CCBE1: variants seen among roughly 807,000 people sequenced by gnomAD.
CCBE1 encodes collagen and calcium binding EGF domains 1, also known as collagen and calcium-binding EGF domain-containing protein 1.
In CCBE1, 37 loss-of-function variants were observed where a neutral mutation model predicts 50.0. The ratio of observed to expected loss-of-function variants is 0.74; its 90% CI spans 0.57 to 0.97. CCBE1 has a LOEUF of 0.97. Among genes scored for constraint, CCBE1 ranks in the 50% least tolerant of loss-of-function variants. The pLI, the probability that CCBE1 is intolerant of heterozygous loss-of-function variation, is 0.00. For missense variants in CCBE1, 538 were observed against 523.8 expected, an observed-to-expected ratio of 1.03 and a Z score of -0.26; for synonymous variants, 234 against 203.7, an observed-to-expected ratio of 1.15 and a Z score of -1.27.
In CCBE1 at chr18:59,680,429, G is replaced by A. The variant is rs542811697; in HGVS notation, c.212+16200C>T. On this transcript the variant is annotated intron_variant, in intron 2 of 10. Transcript: ENST00000439986. ...TAAAGAACACCTAAAGGCCAGGCGC[G>A]GTGGTTTGCATGTAATCCCAGCACT... is the stretch of plus-strand genomic sequence containing the variant. 1.2e-4 allele frequency among the ~76,000 whole-genome samples: 18 copies of A among 151,840 alleles called. 1 individual carries two copies. The highest frequency in any genetic ancestry group is 2.2e-4 in the African/African-American group (9 of 41,422).
chr18:59,480,160 G>C, intron 3 of CCBE1, 26 bp downstream of exon 3: 2 of 1,417,878 alleles, frequency 1.4e-6, no homozygotes, highest in Non-Finnish European at 2.0e-6. Flanking sequence ...AATAAAGTCA[G>C]ACAATATCTT....
intron 2 of CCBE1, among the ~76,000 whole-genome samples, chr18:59,632,750 T>C (rs2053865610): frequency 6.8e-6 from 1 of 147,646 alleles, no homozygotes; most frequent in South Asian, 2.2e-4. Context: ...CCACCACACC[T>C]GGCTAATTTT....
chr18:59,694,243 C>G (rs1568277389), intron 2 of CCBE1, among the ~76,000 whole-genome samples: 1 of 152,266 alleles, frequency 6.6e-6, no homozygotes, highest in African/African-American at 2.4e-5. Flanking sequence ...TTCACTTGTG[C>G]TGAAAACCAT....
At chr18:59,494,173 A>G (rs769870106) in intron 2 of CCBE1, among the ~76,000 whole-genome samples, 1 of 152,148 alleles carries the variant, frequency 6.6e-6, no homozygotes, top group Non-Finnish European at 1.5e-5. Flanking sequence ...CAGAGGATAA[A>G]CTCAATTTCA....
intron 2 of CCBE1, among the ~76,000 whole-genome samples, chr18:59,655,205 C>A (rs2054173715): frequency 6.6e-6 from 1 of 152,026 alleles, no homozygotes; most frequent in Non-Finnish European, 1.5e-5. Context: ...ACTATGAGGG[C>A]CTCCTTTTCT....
chr18:59,547,097 G>GAGA (rs1796362853), intron 2 of CCBE1, among the ~76,000 whole-genome samples: 1 of 106,524 alleles, frequency 9.4e-6, no homozygotes, highest in African/African-American at 4.1e-5. Context: ...GAGAGAGGGA[G>GAGA]GTAGGGAGAG....
At chr18:59,468,772 T>C (rs1164303715) in intron 4 of CCBE1, among the ~76,000 whole-genome samples, 1 of 152,074 alleles carries the variant, frequency 6.6e-6, no homozygotes, top group African/African-American at 2.4e-5. Flanking sequence ...GAGGCATTGG[T>C]GTAAATATGC....
chr18:59,466,399 C>G (rs1038430226), intron 5 of CCBE1, among the ~76,000 whole-genome samples: 13 of 152,042 alleles, frequency 8.6e-5, no homozygotes, highest in Non-Finnish European at 1.6e-4. Flanking sequence ...TGCCTTCCAC[C>G]GTGATTGTGA....
chr18:59,590,918 A>C (rs1042701279), intron 2 of CCBE1, among the ~76,000 whole-genome samples: 16 of 152,220 alleles, frequency 1.1e-4, no homozygotes. Flanking sequence ...TGCTAGAAGG[A>C]AACAGGGACT....
intron 2 of CCBE1, among the ~76,000 whole-genome samples, chr18:59,525,816 C>T (rs1914796281): frequency 6.6e-6 from 1 of 151,268 alleles, no homozygotes; most frequent in East Asian, 2.1e-4. Context: ...ATATGACTAG[C>T]CAGTTCTCTG....
intron 2 of CCBE1, among the ~76,000 whole-genome samples, chr18:59,513,669 T>A (rs1914235649): frequency 6.6e-6 from 1 of 152,366 alleles, no homozygotes; most frequent in Non-Finnish European, 1.5e-5. Flanking sequence ...AGAAGATAGC[T>A]TCTGGCTATC....
chr18:59,619,700 C>T (rs2053687073), intron 2 of CCBE1, among the ~76,000 whole-genome samples: 1 of 152,080 alleles, frequency 6.6e-6, no homozygotes, highest in Admixed American at 6.5e-5. Context: ...ATCTCATTAT[C>T]CTTGTTTGGA....
chr18:59,680,479 A>G (rs2054572881), intron 2 of CCBE1, among the ~76,000 whole-genome samples: 1 of 151,888 alleles, frequency 6.6e-6, no homozygotes, highest in Non-Finnish European at 1.5e-5. Flanking sequence ...CGGGAGGATC[A>G]CGAGGTCAGG....
rs147939131 is a variant in CCBE1, at chr18:59,603,538, G to T, written c.212+93091C>A. Among the ~76,000 whole-genome samples the T allele has an allele frequency of 2.1e-3, 314 of 151,890 alleles. 6 individuals are homozygous for T. In the East Asian group the frequency reaches 0.032, roughly 16 times the overall value. ...CTGCTTCAAGACCTTTCACATCCTG[G>T]GTCATTTTCAAGGTTTTGCTCATCT... On this transcript the variant is annotated intron_variant, in intron 2 of 10. Coordinates refer to ENST00000439986, the MANE Select transcript of CCBE1 (RefSeq NM_133459.4).
At chr18:59,625,385 C>A (rs756560226) in intron 2 of CCBE1, among the ~76,000 whole-genome samples, 4 of 145,144 alleles carry the variant, frequency 2.8e-5, no homozygotes, top group South Asian at 2.2e-4. Context: ...GAGCCAAGAT[C>A]GCGCCACTGC....
At chr18:59,520,298 A>G (rs1245530756) in intron 2 of CCBE1, among the ~76,000 whole-genome samples, 1 of 152,136 alleles carries the variant, frequency 6.6e-6, no homozygotes, top group Non-Finnish European at 1.5e-5. Flanking sequence ...GATTCTTCCT[A>G]TCCATGAGGA....
upstream of CCBE1, chr18:59,697,424 C>T (rs2054826882): frequency 6.7e-7 from 1 of 1,498,300 alleles, no homozygotes; most frequent in Non-Finnish European, 8.9e-7. Flanking sequence ...CGCCGCCTTC[C>T]CTCTTCCCGG....
rs1910062280 is a variant in CCBE1 at position 59,434,387 on chromosome 18, G to T, written c.*1521C>A. 1 of 152,222 alleles carries T rather than the reference G, an allele frequency of 6.6e-6. No homozygotes were observed. Among genetic ancestry groups the T allele is most frequent in the Non-Finnish European group, 1.5e-5 (1 of 68,054 alleles). 9.4% of individuals were successfully genotyped at this position (152,222 alleles called of 1,614,324 possible). On this transcript the variant is annotated 3_prime_UTR_variant, in exon 11 of 11. Coordinates refer to ENST00000439986, the MANE Select transcript of CCBE1 (RefSeq NM_133459.4). ...GCAAAGGTAGATAAAGAGCCACTTT[G>T]TGTGTCCAGTGAGAAAGTGGACTGT...
chr18:59,647,253 G>A (rs149493484), intron 2 of CCBE1, among the ~76,000 whole-genome samples: 5 of 152,210 alleles, frequency 3.3e-5, no homozygotes, highest in Non-Finnish European at 4.4e-5. Flanking sequence ...GGAGTTTAAC[G>A]TAATCTCCAA....
Sources: gnomAD v4.1 joint callset for allele counts (sites outside exome capture counted in the v4.1 genomes callset) on GRCh38, gnomAD v4.1.1 for gene constraint, MANE v1.5 for transcripts, NCBI Gene and HGNC (gene_info 2026-07-23, HGNC 2026-07-21) for gene names.